Variants in PRR16 observed in about 807,000 individuals in gnomAD.
The protein encoded by PRR16 is proline rich 16.
PRR16 carries 6 observed loss-of-function variants against 18.2 expected under a neutral mutation model. The observed-to-expected ratio is 0.33, with a 90% CI of 0.18 to 0.65. The LOEUF is 0.65. Among genes scored for constraint, PRR16 ranks in the 30% least tolerant of loss-of-function variants. PRR16 has a pLI of 0.74. For synonymous variants in PRR16, 151 were observed against 147.8 expected (o/e 1.02, Z -0.16); for missense variants, 412 against 376.6 (o/e 1.09, Z -0.78).
chr5:120,781,271 G>A, the PRR16 span: 1 of 151,836 alleles, frequency 6.6e-6, no homozygotes, highest in African/African-American at 2.4e-5. Flanking sequence ...AGATTAACAA[G>A]AGAAAAACAT....
chr5:120,667,304 C>G (rs1385507738), intron 1 of PRR16, among the ~76,000 whole-genome samples: 1 of 150,240 alleles, frequency 6.7e-6, no homozygotes, highest in East Asian at 1.9e-4. Flanking sequence ...GGTGATATCC[C>G]CTTTATCATT....
In PRR16 at chr5:120,635,178, A is replaced by G. The variant is rs567479523; in HGVS notation, c.160-50776A>G. 2.0e-5 allele frequency among the ~76,000 whole-genome samples: 3 copies of G among 152,182 alleles called. No individual in the cohort carries two copies. The South Asian group carries it at 6.2e-4, about 32-fold the overall frequency. On this transcript the variant is annotated intron_variant, in intron 1 of 1. Transcript: ENST00000407149. ...CCAGATGAATTCATGGCTGAATTCT[A>G]TCAGGCATTCAAAGAAGAATTGGTA...
the PRR16 span, among the ~76,000 whole-genome samples, chr5:120,709,482 T>C: frequency 7.2e-5 from 11 of 152,210 alleles, no homozygotes; most frequent in African/African-American, 2.7e-4. Context: ...TTATCATTTC[T>C]TTATGTTGTG....
At chr5:120,622,870 G>T (rs1033970853) in intron 1 of PRR16, among the ~76,000 whole-genome samples, 2 of 152,002 alleles carry the variant, frequency 1.3e-5, no homozygotes, top group African/African-American at 4.8e-5. Context: ...AAGACTATGT[G>T]TCAAAAAGGA....
At chr5:120,532,120 T>C (rs1478612690) in intron 1 of PRR16, among the ~76,000 whole-genome samples, 3 of 152,168 alleles carry the variant, frequency 2.0e-5, no homozygotes, top group Admixed American at 6.5e-5. Flanking sequence ...CAATATGTTC[T>C]CAAAATCAAA....
the PRR16 span, among the ~76,000 whole-genome samples, chr5:120,790,937 G>A: frequency 6.6e-6 from 1 of 152,136 alleles, no homozygotes; most frequent in Admixed American, 6.5e-5. Context: ...AAAAGCATCA[G>A]TGTGGTCAAA....
intron 1 of PRR16, among the ~76,000 whole-genome samples, chr5:120,488,494 A>T (rs1357278076): frequency 6.6e-6 from 1 of 152,088 alleles, no homozygotes; most frequent in African/African-American, 2.4e-5. Context: ...TGGTGGTGAT[A>T]TCCCATTTAT....
chr5:120,525,190 T>C (rs895206489), intron 1 of PRR16, among the ~76,000 whole-genome samples: 4 of 152,122 alleles, frequency 2.6e-5, no homozygotes, highest in Admixed American at 6.5e-5. Flanking sequence ...AAGTGATATG[T>C]AAATATGAGA....
intron 1 of PRR16, among the ~76,000 whole-genome samples, chr5:120,585,988 A>G (rs1029111046): frequency 6.6e-6 from 1 of 152,012 alleles, no homozygotes; most frequent in African/African-American, 2.4e-5. Context: ...ATCCTGGCCA[A>G]CATGGTGATC....
At chr5:120,717,748 T>C in the PRR16 span, among the ~76,000 whole-genome samples, 1 of 152,182 alleles carries the variant, frequency 6.6e-6, no homozygotes, top group African/African-American at 2.4e-5. Context: ...CTCTGTGCTC[T>C]TTATAAATCA....
At chr5:120,628,386 T>A (rs75966003) in intron 1 of PRR16, among the ~76,000 whole-genome samples, 8,668 of 152,140 alleles carry the variant, frequency 0.057, 300 homozygotes, top group South Asian at 0.081. Flanking sequence ...GTTGGCCAGT[T>A]TGCAGGCACT....
chr5:120,693,398 A>G, the PRR16 span, among the ~76,000 whole-genome samples: 1 of 152,234 alleles, frequency 6.6e-6, no homozygotes, highest in Non-Finnish European at 1.5e-5. Context: ...CTACAATAAC[A>G]TAAACCCCAG....
At chr5:120,521,892 A>G (rs140001824) in intron 1 of PRR16, among the ~76,000 whole-genome samples, 3,476 of 152,068 alleles carry the variant, frequency 0.023, 65 homozygotes, top group African/African-American at 0.049. Flanking sequence ...TCATTGTTCA[A>G]TTCCCACCTA....
At chr5:120,777,239 A>G in the PRR16 span, among the ~76,000 whole-genome samples, 3 of 152,098 alleles carry the variant, frequency 2.0e-5, no homozygotes, top group Non-Finnish European at 4.4e-5. Flanking sequence ...TGTTCAATAT[A>G]TTTATTCAAT....
chr5:120,668,510 G>A (rs1447687710), intron 1 of PRR16, among the ~76,000 whole-genome samples: 5 of 151,934 alleles, frequency 3.3e-5, no homozygotes, highest in Non-Finnish European at 5.9e-5. Flanking sequence ...ATGTTAACTG[G>A]TTATTTTGCT....
intron 1 of PRR16, among the ~76,000 whole-genome samples, chr5:120,641,180 A>G (rs1234477622): frequency 6.6e-6 from 1 of 152,144 alleles, no homozygotes; most frequent in African/African-American, 2.4e-5. Flanking sequence ...CCTTCTTTGT[A>G]TGCAAGAAAA....
rs1335378476 is a variant in PRR16 at position 120,686,566 on chromosome 5, C to T, written c.772C>T (p.Pro258Ser). The T allele has an allele frequency of 4.3e-6, 7 of 1,613,822 alleles. No homozygotes were observed. The African/African-American group carries it at 6.7e-5, about 15-fold the overall frequency. ...TCCCCTCCCTCCTACACCCCATCTC[C>T]CTCCTTTCCCACTAGAAAATGGGGG... is the stretch of plus-strand genomic sequence containing the variant. ...GPPLPPTPHLPPFPLENGGMG... is the reference protein window; with the variant it reads ...GPPLPPTPHLSPFPLENGGMG... The change falls in exon 2 of 2, where the codon CCT becomes TCT. Residue 258 changes from proline to serine, a missense_variant. Coordinates refer to ENST00000407149, the MANE Select transcript of PRR16 (RefSeq NM_001300783.2).
At chr5:120,675,476 A>G (rs1339270840) in intron 1 of PRR16, among the ~76,000 whole-genome samples, 1 of 152,080 alleles carries the variant, frequency 6.6e-6, no homozygotes, top group Non-Finnish European at 1.5e-5. Context: ...TCTCACTTCC[A>G]CTTTTTCTGT....
chr5:120,702,036 G>A, the PRR16 span, among the ~76,000 whole-genome samples: 1 of 152,082 alleles, frequency 6.6e-6, no homozygotes, highest in Admixed American at 6.6e-5. Flanking sequence ...CAGGCCAAGG[G>A]AGTAGAAGAA....
Sources: allele counts gnomAD v4.1 joint callset (sites outside exome capture counted in the v4.1 genomes callset), GRCh38; gene constraint gnomAD v4.1.1; transcripts MANE v1.5; gene names NCBI Gene and HGNC (gene_info 2026-07-23, HGNC 2026-07-21).